The following CEACAM7 variants were observed in gnomAD, a reference collection of about 807,000 sequenced individuals.
CEACAM7 encodes CEA cell adhesion molecule 7.
CEACAM7 carries 24 observed loss-of-function variants against 25.7 expected under a neutral mutation model. The ratio of observed to expected loss-of-function variants is 0.93; its 90% confidence interval spans 0.68 to 1.31. The LOEUF is 1.31. Among genes scored for constraint, CEACAM7 ranks in the 40% most tolerant of loss-of-function variants. The pLI is 0.00. For synonymous variants in CEACAM7, 144 were observed against 129.4 expected, an observed-to-expected ratio of 1.11 and a Z score of -0.77; for missense variants, 324 against 330.1, an observed-to-expected ratio of 0.98 and a Z score of 0.14.
chr19:41,679,776 T>C (rs1251268668), intron 3 of CEACAM7, among the ~76,000 whole-genome samples: 3 of 146,928 alleles, frequency 2.0e-5, no homozygotes, highest in Non-Finnish European at 4.5e-5. Flanking sequence ...TTTTCTTTTT[T>C]CTCTGTCTCT....
chr19:41,679,875 C>G (rs1383802773), intron 3 of CEACAM7, among the ~76,000 whole-genome samples: 1 of 142,336 alleles, frequency 7.0e-6, no homozygotes, highest in African/African-American at 2.6e-5. Context: ...GATCTCGGCT[C>G]ACTGCAACCT....
At chr19:41,675,139 C>G (rs1400307905) in intron 4 of CEACAM7, among the ~76,000 whole-genome samples, 2 of 152,126 alleles carry the variant, frequency 1.3e-5, no homozygotes, top group African/African-American at 4.8e-5. Context: ...CCAGCCAAAG[C>G]CTTGGTAATA....
intron 3 of CEACAM7, among the ~76,000 whole-genome samples, chr19:41,678,349 G>GTATATGTATATGTATATC (rs2072138241): frequency 6.6e-6 from 1 of 151,380 alleles, no homozygotes; most frequent in African/African-American, 2.4e-5. Flanking sequence ...ATATGTATAT[G>GTATATGTATATGTATATC]TATATGTATA....
chr19:41,687,810 TTA>T (rs1434944546), intron 1 of CEACAM7, among the ~76,000 whole-genome samples: 13 of 152,222 alleles, frequency 8.5e-5, no homozygotes, highest in African/African-American at 2.2e-4. Context: ...TATGCCCTGG[TTA>T]TGTTTTTATT....
rs781802773 is a variant in CEACAM7 at position 41,687,084 on chromosome 19, A to G, written c.202T>C (p.Tyr68His). 2 of 1,614,024 alleles carry G rather than the reference A, an allele frequency of 1.2e-6. No homozygotes were observed. The highest frequency in any genetic ancestry group is 2.2e-5 in the East Asian group (1 of 44,880). Residue 68 changes from tyrosine to histidine, a missense_variant, in exon 2 of 5, where the codon TAC (tyrosine) becomes CAC (histidine). By Grantham distance (83) the Tyr-to-His change is moderately conservative. Transcript: ENST00000401731. Reference sequence around the variant, plus strand: ...TTGGCATGCACCCTTTCCCCTTTGTACCAGTTGTAGCCATAAAGATTCTGG... The same window carrying G: ...TTGGCATGCACCCTTTCCCCTTTGTGCCAGTTGTAGCCATAAAGATTCTGG... ...ESQNLYGYNW[Y>H]KGERVHANYR...
rs1373943914 is a variant in CEACAM7 at position 41,677,361 on chromosome 19, G to A, written c.*36+15C>T. The A allele has an allele frequency of 6.6e-6, 9 of 1,360,510 alleles. No homozygotes were observed. Among genetic ancestry groups the A allele is most frequent in the African/African-American group, 2.9e-5 (2 of 69,788 alleles). The allele number at this position is 1,360,510 out of a possible 1,614,324, so 84.3% of individuals were successfully genotyped here. A position where few individuals can be genotyped will look rare whatever the true frequency, so the allele number is the denominator to read the frequency against. On this transcript the variant is annotated intron_variant, in intron 4 of 4. Transcript: ENST00000401731. ...CTGCAGGAAATAGGATAAGAGGAAA[G>A]GTCATAATACCTACCACTCTTCCCG...
chr19:41,683,445 C>T (rs1296171005), intron 3 of CEACAM7, among the ~76,000 whole-genome samples: 3 of 152,200 alleles, frequency 2.0e-5, no homozygotes, highest in African/African-American at 7.2e-5. Flanking sequence ...AGCGGAAGCT[C>T]CTGGTCTGTG....
chr19:41,674,928 TAAG>T (rs2122711111), intron 4 of CEACAM7, among the ~76,000 whole-genome samples, 189 bp from the exon 5 acceptor site: 1 of 152,316 alleles, frequency 6.6e-6, no homozygotes, highest in African/African-American at 2.4e-5. Flanking sequence ...ATTCTTTATA[TAAG>T]AAGTATAGCA....
chr19:41,676,991 T>C (rs2072120332), intron 4 of CEACAM7, among the ~76,000 whole-genome samples: 1 of 152,114 alleles, frequency 6.6e-6, no homozygotes, highest in Admixed American at 6.6e-5. Context: ...AGGAAGGTAA[T>C]GAAGTAGTCA....
rs1210088466 is a variant in CEACAM7, at chr19:41,687,121, G to A, written c.165C>T (p.Val55=). The A allele has an allele frequency of 6.2e-7, 1 of 1,613,966 alleles. No individual in the cohort carries two copies. Among genetic ancestry groups the A allele is most frequent in the African/African-American group, 1.3e-5 (1 of 74,864 alleles). ...VAEGKEVLLV[V]HNESQNLYGY... ...CATAAAGATTCTGGGACTCATTATGGACTACTAGAAGGACCTCCTTCCCTT... is the reference window on the plus strand; with the variant it reads ...CATAAAGATTCTGGGACTCATTATGAACTACTAGAAGGACCTCCTTCCCTT... The change falls in exon 2 of 5, where the codon GTC becomes GTT. Residue 55 remains valine, a synonymous_variant. Transcript: ENST00000401731.
In CEACAM7 at chr19:41,687,178, G is replaced by A; in HGVS notation, c.108C>T (p.Thr36=). The change falls in exon 2 of 5, where the codon ACC becomes ACT. Residue 36 remains threonine, a synonymous_variant. Transcript: ENST00000401731. ...CATTGAACGGCACGACATCAATATT[G>A]GTCTGGGCACTGTTTGGCAGGTTCC... ...TFWNLPNSAQ[T]NIDVVPFNVA... 1 of 1,613,060 alleles carries A rather than the reference G, an allele frequency of 6.2e-7. No homozygotes were observed. Among genetic ancestry groups the A allele is most frequent in the Non-Finnish European group, 8.5e-7 (1 of 1,179,400 alleles).
chr19:41,684,507 G>A (rs543840430), intron 2 of CEACAM7, among the ~76,000 whole-genome samples: 23 of 152,282 alleles, frequency 1.5e-4, no homozygotes, highest in African/African-American at 5.3e-4. Context: ...AGAGATGGGT[G>A]ATGATAACAA....
chr19:41,677,617 T>C (rs1188349571), intron 3 of CEACAM7, 114 bp from the exon 4 acceptor site: 1 of 670,528 alleles, frequency 1.5e-6, no homozygotes, highest in African/African-American at 1.8e-5. Flanking sequence ...AGGAATACAT[T>C]ATTTTTGTGG....
In CEACAM7 at chr19:41,678,292, T is replaced by G. The variant is rs569280491; in HGVS notation, c.707-789A>C. On this transcript the variant is annotated intron_variant, in intron 3 of 4. Transcript: ENST00000401731. ...TAACCATGTCCCAGTGGACTTTTTG[T>G]GTAATGCCTGTTTCTCCCATGTATA... Among the ~76,000 whole-genome samples, 33 of 151,354 alleles carry G rather than the reference T, an allele frequency of 2.2e-4. No individual in the cohort carries two copies. The South Asian group carries it at 6.9e-3, about 31-fold the overall frequency.
chr19:41,680,668 T>C (rs1479984548), intron 3 of CEACAM7, among the ~76,000 whole-genome samples: 3 of 152,196 alleles, frequency 2.0e-5, no homozygotes, highest in Non-Finnish European at 2.9e-5. Flanking sequence ...AAGGATGGTC[T>C]TTTCAACAAA....
At position 41,687,085 on chromosome 19, in the gene CEACAM7, C is replaced by G. The variant is rs782620464; in HGVS notation, c.201G>C (p.Trp67Cys). ...NESQNLYGYN[W>C]YKGERVHANY... ...TGGCATGCACCCTTTCCCCTTTGTA[C>G]CAGTTGTAGCCATAAAGATTCTGGG... Residue 67 changes from tryptophan (W) to cysteine (C), a missense_variant, in exon 2 of 5, where the codon TGG (tryptophan) becomes TGC (cysteine). Trp to Cys is a radical substitution (Grantham distance 215). Coordinates refer to ENST00000401731, the MANE Select transcript of CEACAM7 (RefSeq NM_001291485.2). 6.2e-7 allele frequency: 1 copy of G among 1,613,992 alleles called. No homozygotes were observed.
At chr19:41,679,303 A>C (rs1286103068) in intron 3 of CEACAM7, among the ~76,000 whole-genome samples, 4 of 152,218 alleles carry the variant, frequency 2.6e-5, no homozygotes, top group African/African-American at 4.8e-5. Context: ...AACCATGAAG[A>C]AACAGAAAAT....
intron 3 of CEACAM7, among the ~76,000 whole-genome samples, chr19:41,681,623 T>C (rs2072176537): frequency 6.6e-6 from 1 of 152,106 alleles, no homozygotes; most frequent in Non-Finnish European, 1.5e-5. Flanking sequence ...TAAAATAAAA[T>C]GCCGAGCATT....
At chr19:41,687,829 G>A (rs559489464) in intron 1 of CEACAM7, among the ~76,000 whole-genome samples, 7 of 152,324 alleles carry the variant, frequency 4.6e-5, no homozygotes, top group Admixed American at 3.9e-4. Flanking sequence ...TATTTGAAGC[G>A]TCACATGATA....
Sources: allele counts gnomAD v4.1 joint callset (sites outside exome capture counted in the v4.1 genomes callset), GRCh38; gene constraint gnomAD v4.1.1; transcripts MANE v1.5; gene names NCBI Gene and HGNC (gene_info 2026-07-23, HGNC 2026-07-21).